Variants in PTPRB observed in about 807,000 individuals in gnomAD.
PTPRB encodes receptor-type tyrosine-protein phosphatase beta.
In PTPRB, 97 loss-of-function variants were observed where a neutral mutation model predicts 238.1. That is an observed-to-expected ratio of 0.41 (90% CI 0.35 to 0.48). PTPRB has a LOEUF of 0.48. Among genes scored for constraint, PTPRB ranks in the 20% least tolerant of loss-of-function variants. The pLI, the probability that PTPRB is intolerant of heterozygous loss-of-function variation, is 0.30. For missense variants in PTPRB, 2,292 were observed against 2,681.9 expected, an observed-to-expected ratio of 0.85 and a Z score of 3.21; for synonymous variants, 970 against 995.4, an observed-to-expected ratio of 0.97 and a Z score of 0.48.
intron 2 of PTPRB, among the ~76,000 whole-genome samples, chr12:70,623,569 A>T (rs766285096): frequency 6.6e-6 from 1 of 152,172 alleles, no homozygotes; most frequent in Non-Finnish European, 1.5e-5. Context: ...TAAGTTCTGT[A>T]AATTATGGTT....
At chr12:70,574,877 A>G (rs1880511503) in intron 11 of PTPRB, among the ~76,000 whole-genome samples, 1 of 152,352 alleles carries the variant, frequency 6.6e-6, no homozygotes, top group African/African-American at 2.4e-5. Context: ...AAACAATCTC[A>G]GCAAAAGACT....
chr12:70,522,024 G>A (rs992811066), intron 33 of PTPRB, among the ~76,000 whole-genome samples: 2 of 152,112 alleles, frequency 1.3e-5, no homozygotes, highest in African/African-American at 4.8e-5. Context: ...AGATCAATTA[G>A]GGTGTAATTT....
chr12:70,625,383 T>C (rs1194835814), intron 2 of PTPRB, among the ~76,000 whole-genome samples: 2 of 152,304 alleles, frequency 1.3e-5, no homozygotes, highest in South Asian at 4.1e-4. Flanking sequence ...CCTGCTATTA[T>C]AACAAGTTTC....
rs761563613 is a variant in PTPRB at position 70,576,666 on chromosome 12, G to C, written c.2579-21C>G. 120 of 281,954 alleles carry C rather than the reference G, an allele frequency of 4.3e-4. 3 individuals carry two copies. The highest frequency in any genetic ancestry group is 3.5e-3 in the African/African-American group (85 of 24,396). 17.5% of individuals were successfully genotyped at this position (281,954 alleles called of 1,614,324 possible). On this transcript the variant is annotated intron_variant, in intron 10 of 33. Coordinates refer to ENST00000334414, the MANE Select transcript of PTPRB (RefSeq NM_001109754.4). The stretch of plus-strand genomic sequence containing the variant: ...AGGGACTGTGATTTTGAAAGGTGGG[G>C]GGCGGGGGGGGGGGGGAAGGGGGAT...
At position 70,566,456 on chromosome 12, in the gene PTPRB, C is replaced by T. The variant is rs868180877; in HGVS notation, c.3883G>A (p.Ala1295Thr). Residue 1295 changes from alanine to threonine, a missense_variant, in exon 15 of 34, where the codon GCC (alanine) becomes ACC (threonine). Coordinates refer to ENST00000334414, the MANE Select transcript of PTPRB (RefSeq NM_001109754.4). ...TTACCTGTTCGGCCTTCAGTCTGGG[C>T]TTCCTTGCTAAAGAGGCCTCCACTG... ...TVSGGLFSKE[A>T]QTEGRTVPAA... 6 of 1,613,890 alleles carry T rather than the reference C, an allele frequency of 3.7e-6. No homozygotes were observed. The highest frequency in any genetic ancestry group is 3.3e-4 in the Middle Eastern group (2 of 6,054).
At chr12:70,551,201 T>G (rs1592451441) in intron 21 of PTPRB, among the ~76,000 whole-genome samples, 1 of 152,272 alleles carries the variant, frequency 6.6e-6, no homozygotes, top group Admixed American at 6.5e-5. Context: ...CAGCCGCATC[T>G]CTTGATTCTT....
intron 13 of PTPRB, among the ~76,000 whole-genome samples, 189 bp from the exon 14 acceptor site, chr12:70,570,127 G>C (rs556820412): frequency 6.6e-6 from 1 of 152,056 alleles, no homozygotes. Flanking sequence ...AAGCTTAGGG[G>C]GAAGTCAAAG....
At position 70,596,194 on chromosome 12, in the gene PTPRB, C is replaced by T. The variant is rs1882996306; in HGVS notation, c.1113G>A (p.Lys371=). 1 of 1,613,526 alleles carries T rather than the reference C, an allele frequency of 6.2e-7. No individual in the cohort carries two copies. Among genetic ancestry groups the T allele is most frequent in the African/African-American group, 1.3e-5 (1 of 74,826 alleles). ...TTTCTTGAATTTGAACCCCCTGTAT[C>T]TTTTGGTTATTTTCATCAAATAATT... ...EVQLFDENNQ[K]IQGVQIQEST... The change falls in exon 5 of 34, where the codon AAG becomes AAA. Residue 371 remains lysine (K), a synonymous_variant. Transcript: ENST00000334414.
rs769090475 is a variant in PTPRB at position 70,540,886 on chromosome 12, C to A, written c.5566G>T (p.Ala1856Ser). ...FLIGMLVAVV[A>S]LLICRQKVSH... Reference sequence around the variant, plus strand: ...ACTTTCTGTCTGCAGATCAATAAGGCAACAACAGCCACTAGCATGCCAATT... The same window carrying A: ...ACTTTCTGTCTGCAGATCAATAAGGAAACAACAGCCACTAGCATGCCAATT... The change falls in exon 23 of 34, where the codon GCC (alanine) becomes TCC (serine). Residue 1856 changes from alanine to serine, a missense_variant. By Grantham distance (99) the Ala-to-Ser change is moderately conservative (BLOSUM62 1). Coordinates refer to ENST00000334414, the MANE Select transcript of PTPRB (RefSeq NM_001109754.4). 6.2e-7 allele frequency: 1 copy of A among 1,604,610 alleles called. No individual in the cohort carries two copies. The highest frequency in any genetic ancestry group is 8.5e-7 in the Non-Finnish European group (1 of 1,175,534).
chr12:70,634,651 G>A (rs1187368248), intron 2 of PTPRB, among the ~76,000 whole-genome samples: 2 of 152,144 alleles, frequency 1.3e-5, no homozygotes, highest in East Asian at 3.9e-4. Flanking sequence ...AAGCCATGGG[G>A]CAAGTCTGTG....
At chr12:70,522,414 T>C (rs1292291417) in intron 33 of PTPRB, 1 of 152,218 alleles carries the variant, frequency 6.6e-6, no homozygotes, top group Non-Finnish European at 1.5e-5. Context: ...TGAAAGACTC[T>C]GGGCCAGAGC....
At chr12:70,573,106 C>A (rs566221053) in intron 11 of PTPRB, among the ~76,000 whole-genome samples, 7 of 151,994 alleles carry the variant, frequency 4.6e-5, no homozygotes, top group Non-Finnish European at 8.8e-5. Context: ...TCCTTAACAT[C>A]AAAATACAAA....
intron 9 of PTPRB, among the ~76,000 whole-genome samples, chr12:70,581,797 T>A (rs1215800958): frequency 6.6e-6 from 1 of 150,954 alleles, no homozygotes; most frequent in Non-Finnish European, 1.5e-5. Context: ...CATGAACATG[T>A]GATAATAATA....
chr12:70,624,702 G>T (rs1036170554), intron 2 of PTPRB, among the ~76,000 whole-genome samples: 1 of 152,012 alleles, frequency 6.6e-6, no homozygotes, highest in African/African-American at 2.4e-5. Flanking sequence ...TGACTGCTAC[G>T]TATGACAATT....
chr12:70,609,187 A>G lies in PTPRB; in HGVS notation c.861T>C (p.Pro287=). 1.2e-6 allele frequency: 2 copies of G among 1,614,084 alleles called. No homozygotes were observed. The highest frequency in any genetic ancestry group is 1.7e-6 in the Non-Finnish European group (2 of 1,179,900). ...ATGTGGTGTTGTCTATCCGAAAGGT[A>G]GGGCACAACGCGGCCCCCAGGGTGT... ...SSDTLGAALC[P]TFRIDNTTYG... The change falls in exon 4 of 34, where the codon CCT becomes CCC. Residue 287 remains proline (P), a synonymous_variant. Transcript: ENST00000334414.
chr12:70,535,548 A>G (rs1412075694), intron 29 of PTPRB, among the ~76,000 whole-genome samples: 2 of 152,070 alleles, frequency 1.3e-5, no homozygotes, highest in Non-Finnish European at 2.9e-5. Context: ...TTAATCCTCA[A>G]TCTTTTAATC....
intron 16 of PTPRB, among the ~76,000 whole-genome samples, chr12:70,562,546 A>G (rs1878628714): frequency 6.6e-6 from 1 of 152,124 alleles, no homozygotes; most frequent in African/African-American, 2.4e-5. Flanking sequence ...TTAAACTATG[A>G]TGGGTTACAG....
chr12:70,538,404 G>A, intron 27 of PTPRB, 173 bp from the exon 28 acceptor site: 1 of 571,138 alleles, frequency 1.8e-6, no homozygotes, highest in Non-Finnish European at 3.1e-6. Flanking sequence ...TGTTGCATAG[G>A]TGGCCTATAA....
intron 21 of PTPRB, among the ~76,000 whole-genome samples, chr12:70,551,947 T>G (rs1876942154): frequency 6.6e-6 from 1 of 152,134 alleles, no homozygotes; most frequent in Non-Finnish European, 1.5e-5. Context: ...ATTAGTCATC[T>G]CCATGGGGAA....
Sources: allele counts gnomAD v4.1 joint callset (sites outside exome capture counted in the v4.1 genomes callset), GRCh38; gene constraint gnomAD v4.1.1; transcripts MANE v1.5; gene names NCBI Gene and HGNC (gene_info 2026-07-23, HGNC 2026-07-21).